ANKS1A: variants seen among roughly 807,000 people sequenced by gnomAD.
ANKS1A encodes ankyrin repeat and sterile alpha motif domain containing 1A, also known as ankyrin repeat and SAM domain-containing protein 1A.
ANKS1A carries 55 observed loss-of-function variants against 120.3 expected under a neutral mutation model. The ratio of observed to expected loss-of-function variants is 0.46; its 90% CI spans 0.37 to 0.57. ANKS1A has a LOEUF of 0.57. ANKS1A is among the 20% of genes least tolerant of loss of function. ANKS1A has a pLI of 0.00. For missense variants in ANKS1A, 1,123 were observed against 1,480.3 expected (o/e 0.76, Z 3.96); for synonymous variants, 590 against 604.7 (o/e 0.98, Z 0.36).
In ANKS1A at chr6:35,088,677, C is replaced by T. The variant is rs924038333; in HGVS notation, c.*68C>T. On this transcript the variant is annotated 3_prime_UTR_variant, in exon 24 of 24. Transcript: ENST00000360359. Reference sequence around the variant, plus strand: ...GGGCATAGGCTCCCACTGCCACCACCGCCATCGCCTCACCTGCAGCTCTGA... The same window carrying T: ...GGGCATAGGCTCCCACTGCCACCACTGCCATCGCCTCACCTGCAGCTCTGA... 34 of 1,613,352 alleles carry T rather than the reference C, an allele frequency of 2.1e-5. No homozygotes were observed. The highest frequency in any genetic ancestry group is 4.5e-5 in the East Asian group (2 of 44,876).
chr6:35,078,179 A>G (rs1446827186), intron 13 of ANKS1A, among the ~76,000 whole-genome samples: 1 of 152,162 alleles, frequency 6.6e-6, no homozygotes, highest in Non-Finnish European at 1.5e-5. Context: ...TTAGAATTAT[A>G]AAATCCTGTC....
At chr6:34,912,548 C>T (rs537727977) in intron 1 of ANKS1A, among the ~76,000 whole-genome samples, 12 of 152,312 alleles carry the variant, frequency 7.9e-5, no homozygotes, top group African/African-American at 2.9e-4. Context: ...GAGGCCCCTT[C>T]ACCTCTGAGA....
chr6:35,087,105 G>GGGA, intron 23 of ANKS1A, 56 bp downstream of exon 23: 1 of 1,542,176 alleles, frequency 6.5e-7, no homozygotes, highest in Non-Finnish European at 9.0e-7. Context: ...TAGTCTCACT[G>GGGA]TGCCTTTGCC....
intron 1 of ANKS1A, among the ~76,000 whole-genome samples, chr6:34,908,974 A>T (rs781392740): frequency 2.0e-5 from 3 of 152,216 alleles, no homozygotes; most frequent in Non-Finnish European, 1.5e-5. Context: ...AAGCACTTGG[A>T]TATTAAATGT....
chr6:35,018,471 G>A (rs1448360621), intron 11 of ANKS1A, among the ~76,000 whole-genome samples: 3 of 152,082 alleles, frequency 2.0e-5, no homozygotes, highest in Non-Finnish European at 4.4e-5. Context: ...TGTGAGGGGT[G>A]TTTAGGGGAG....
the ANKS1A span, among the ~76,000 whole-genome samples, chr6:35,097,637 GAA>G: frequency 0.098 from 8,762 of 89,470 alleles, 345 homozygotes; most frequent in East Asian, 0.27. Context: ...AAAGCCAAAA[GAA>G]AAAAAAAAAA....
At chr6:34,937,079 A>G (rs1347912151) in intron 1 of ANKS1A, among the ~76,000 whole-genome samples, 1 of 152,162 alleles carries the variant, frequency 6.6e-6, no homozygotes, top group Non-Finnish European at 1.5e-5. Context: ...TTAAACAGGT[A>G]AAATGCAAGG....
intron 1 of ANKS1A, among the ~76,000 whole-genome samples, chr6:34,940,687 G>T (rs1269324167): frequency 1.3e-5 from 2 of 152,022 alleles, no homozygotes; most frequent in East Asian, 3.9e-4. Context: ...AAGGCAGGCG[G>T]ATCACAAGGT....
intron 2 of ANKS1A, among the ~76,000 whole-genome samples, chr6:34,968,604 A>ATT (rs1771013180): frequency 6.6e-6 from 1 of 151,838 alleles, no homozygotes; most frequent in Non-Finnish European, 1.5e-5. Context: ...CACCCAGCTA[A>ATT]TTTTTGTATT....
intron 13 of ANKS1A, among the ~76,000 whole-genome samples, chr6:35,071,911 G>T (rs2127599431): frequency 6.6e-6 from 1 of 152,372 alleles, no homozygotes; most frequent in South Asian, 2.1e-4. Flanking sequence ...GCCCAGGCCG[G>T]CCCCTCCCCA....
chr6:34,932,501 C>T (rs879499342), intron 1 of ANKS1A, among the ~76,000 whole-genome samples: 2 of 152,220 alleles, frequency 1.3e-5, no homozygotes, highest in Non-Finnish European at 2.9e-5. Flanking sequence ...TCTCCTGCCT[C>T]AGCCTCCTGA....
intron 11 of ANKS1A, chr6:35,023,887 TATTTC>T (rs1190594427): frequency 6.4e-6 from 1 of 156,540 alleles, no homozygotes; most frequent in Non-Finnish European, 1.4e-5. Context: ...AGTCCTAAAA[TATTTC>T]ATAATATAAT....
chr6:35,078,447 C>G, intron 13 of ANKS1A, 111 bp from the exon 14 acceptor site: 2 of 924,526 alleles, frequency 2.2e-6, no homozygotes, highest in Non-Finnish European at 3.4e-6. Context: ...CCTCTTGGTG[C>G]CTGCAGTGAA....
intron 10 of ANKS1A, among the ~76,000 whole-genome samples, chr6:35,016,657 G>A (rs1774019796): frequency 6.6e-6 from 1 of 151,890 alleles, no homozygotes; most frequent in Non-Finnish European, 1.5e-5. Flanking sequence ...AATGTCTCCT[G>A]GCATTGACAA....
chr6:35,060,268 G>T lies in ANKS1A; in HGVS notation c.2184+15G>T. ...TCCACTTCCTGGTAAGTGGCTGCAG[G>T]CCTCCTCAATGGCAGGGTGCTGCTC... On this transcript the variant is annotated intron_variant, in intron 13 of 23. Transcript: ENST00000360359. The surrounding 1 kb of genome is among the most constrained non-coding windows in gnomAD (Gnocchi z 4.5). 1 of 1,602,836 alleles carries T rather than the reference G, an allele frequency of 6.2e-7. No homozygotes were observed. The highest frequency in any genetic ancestry group is 8.5e-7 in the Non-Finnish European group (1 of 1,175,168).
intron 10 of ANKS1A, among the ~76,000 whole-genome samples, chr6:35,006,353 A>G (rs936871212): frequency 3.3e-5 from 5 of 152,032 alleles, no homozygotes; most frequent in Non-Finnish European, 5.9e-5. Context: ...TACATTTTAA[A>G]ATAACTAAAA....
chr6:35,076,402 ACT>A (rs1322508438), intron 13 of ANKS1A, among the ~76,000 whole-genome samples: 2 of 152,012 alleles, frequency 1.3e-5, no homozygotes, highest in Non-Finnish European at 2.9e-5. Flanking sequence ...ACAGAGCGAG[ACT>A]CTGTCTCAAA....
chr6:34,940,908 CA>C (rs201669851), intron 1 of ANKS1A, among the ~76,000 whole-genome samples: 1,881 of 127,734 alleles, frequency 0.015, 38 homozygotes, highest in African/African-American at 0.043. Flanking sequence ...AACTCTGTGT[CA>C]AAAAAAAAAA....
chr6:35,095,786 A>G (rs944183736), downstream of ANKS1A, among the ~76,000 whole-genome samples: 4 of 152,112 alleles, frequency 2.6e-5, no homozygotes, highest in African/African-American at 9.7e-5. Flanking sequence ...CCAAAAAAAT[A>G]CTTCTGCAAG....
Sources: allele counts gnomAD v4.1 joint callset (sites outside exome capture counted in the v4.1 genomes callset), GRCh38; gene constraint gnomAD v4.1.1; non-coding constraint Gnocchi (gnomAD v3.1); transcripts MANE v1.5; gene names NCBI Gene and HGNC (gene_info 2026-07-23, HGNC 2026-07-21).